The following XRN1 variants were observed in gnomAD, a reference collection of about 807,000 sequenced individuals.
XRN1 encodes 5'-3' exoribonuclease 1.
A neutral mutation model predicts 222.3 loss-of-function variants in XRN1; 67 were observed. That is an observed-to-expected ratio of 0.30 (90% CI 0.25 to 0.37). The LOEUF (loss-of-function observed/expected upper bound fraction) is 0.37, where lower values mean the gene tolerates loss of function less well. Ranked by LOEUF, XRN1 falls within the 10% of genes least tolerant of loss-of-function variation. The pLI is 1.00. For synonymous variants in XRN1, 643 were observed against 652.4 expected (o/e 0.99, Z 0.22); for missense variants, 1,707 against 2,000.2 (o/e 0.85, Z 2.80).
chr3:142,335,411 A>G (rs1435555810), intron 34 of XRN1, 37 bp downstream of exon 34: 3 of 1,593,964 alleles, frequency 1.9e-6, no homozygotes, highest in East Asian at 2.2e-5. Flanking sequence ...TGCATTAAAA[A>G]ATTGGTAACT....
chr3:142,428,114 C>T (rs965929067), intron 2 of XRN1, among the ~76,000 whole-genome samples: 2 of 152,080 alleles, frequency 1.3e-5, no homozygotes, highest in Non-Finnish European at 2.9e-5. Flanking sequence ...TATTCTTGGC[C>T]AGGTGCGGTG....
At chr3:142,387,899 C>T (rs2067568987) in intron 20 of XRN1, among the ~76,000 whole-genome samples, 3 of 152,094 alleles carry the variant, frequency 2.0e-5, no homozygotes, top group Middle Eastern at 3.2e-3. Context: ...TCTCTTGCTT[C>T]TTTTCTTGCC....
chr3:142,356,978 T>G lies in XRN1; in HGVS notation c.3606A>C (p.Ser1202=), dbSNP rs770085849. The change falls in exon 31 of 41, where the codon TCA becomes TCC. Residue 1202 remains serine (S), a synonymous_variant. Transcript: ENST00000392981. ...QPAVHQHSSS[S]SVSSGHLGAL... is the part of the protein sequence containing the mutation. ...CTCCCAAATGCCCAGAGGAAACTGA[T>G]GAACTTGAGCTATGTTGATGTACAG... 2 of 1,614,106 alleles carry G rather than the reference T, an allele frequency of 1.2e-6. No homozygotes were observed. The highest frequency in any genetic ancestry group is 1.7e-6 in the Non-Finnish European group (2 of 1,179,986).
At chr3:142,421,598 A>G in intron 8 of XRN1, 55 bp from the exon 9 acceptor site, 1 of 1,287,150 alleles carries the variant, frequency 7.8e-7, no homozygotes, top group African/African-American at 1.5e-5. Flanking sequence ...TTTCTAAACA[A>G]TTCTACAAAA....
chr3:142,384,304 G>A (rs1441530043), intron 21 of XRN1, among the ~76,000 whole-genome samples: 3 of 148,738 alleles, frequency 2.0e-5, no homozygotes, highest in South Asian at 2.1e-4. Flanking sequence ...AAAAGCATAC[G>A]AAAGCATAAA....
At chr3:142,418,253 AT>A (rs1157288358) in intron 12 of XRN1, 8 of 380,388 alleles carry the variant, frequency 2.1e-5, no homozygotes. Context: ...TTTTACTATT[AT>A]AAACAACTTT....
At position 142,371,292 on chromosome 3, in the gene XRN1, G is replaced by A; in HGVS notation, c.3015C>T (p.Ser1005=). The A allele has an allele frequency of 6.2e-6, 10 of 1,613,042 alleles. No homozygotes were observed. The highest frequency in any genetic ancestry group is 8.5e-6 in the Non-Finnish European group (10 of 1,179,840). ...PELFSYIAKN[S]QEDVFYEDDI... is the part of the protein sequence containing the mutation. ...CATCTTCATAGAACACATCCTCTTG[G>A]CTATTTTTGGCTATATAACTAAATA... The change falls in exon 26 of 41, where the codon AGC becomes AGT. Residue 1005 remains serine, a synonymous_variant. Coordinates refer to ENST00000392981, the MANE Select transcript of XRN1 (RefSeq NM_001282857.2).
chr3:142,408,768 C>T (rs1465964015), intron 15 of XRN1, among the ~76,000 whole-genome samples: 1 of 152,132 alleles, frequency 6.6e-6, no homozygotes, highest in Non-Finnish European at 1.5e-5. Flanking sequence ...TAAGAAACTG[C>T]CAGATAGATA....
chr3:142,420,981 T>C (rs750297625), intron 10 of XRN1, 35 bp downstream of exon 10: 6 of 1,611,646 alleles, frequency 3.7e-6, no homozygotes, highest in Non-Finnish European at 5.1e-6. Flanking sequence ...CCTTTACAGT[T>C]AAAACAATGA....
chr3:142,380,896 C>A (rs771084544), intron 22 of XRN1, among the ~76,000 whole-genome samples: 2 of 152,046 alleles, frequency 1.3e-5, no homozygotes, highest in Non-Finnish European at 2.9e-5. Flanking sequence ...AATTTCCCCA[C>A]GCCCGCCTTG....
chr3:142,350,241 T>C (rs749924165), intron 32 of XRN1, among the ~76,000 whole-genome samples: 23 of 152,138 alleles, frequency 1.5e-4, no homozygotes, highest in Non-Finnish European at 3.1e-4. Flanking sequence ...AGAGGTCATC[T>C]AAGTGAACTT....
At chr3:142,319,769 T>C (rs2065299814) in intron 37 of XRN1, among the ~76,000 whole-genome samples, 1 of 152,192 alleles carries the variant, frequency 6.6e-6, no homozygotes, top group African/African-American at 2.4e-5. Flanking sequence ...TATCTGACTT[T>C]CTGTTTCTGA....
At chr3:142,322,365 T>C (rs1421019160) in intron 37 of XRN1, among the ~76,000 whole-genome samples, 5 of 152,196 alleles carry the variant, frequency 3.3e-5, no homozygotes, top group Admixed American at 6.5e-5. Context: ...AGGTGGGTAC[T>C]ACCACGCTTA....
chr3:142,401,370 C>G (rs2068122070), intron 18 of XRN1, among the ~76,000 whole-genome samples: 1 of 152,144 alleles, frequency 6.6e-6, no homozygotes, highest in Admixed American at 6.5e-5. Flanking sequence ...CCATAAAATG[C>G]TCTACAAATA....
intron 1 of XRN1, among the ~76,000 whole-genome samples, chr3:142,438,022 T>C (rs1374357633): frequency 1.3e-5 from 2 of 152,120 alleles, no homozygotes; most frequent in South Asian, 4.2e-4. Flanking sequence ...TAAAATGGCC[T>C]TTATCCAAAA....
At chr3:142,413,299 A>G (rs552585203) in intron 14 of XRN1, among the ~76,000 whole-genome samples, 3 of 152,348 alleles carry the variant, frequency 2.0e-5, no homozygotes, top group South Asian at 2.1e-4. Flanking sequence ...GCACTGTACG[A>G]TAAAACAGAC....
intron 32 of XRN1, among the ~76,000 whole-genome samples, chr3:142,351,869 G>C (rs2066315340): frequency 6.7e-6 from 1 of 148,772 alleles, no homozygotes; most frequent in Non-Finnish European, 1.5e-5. Flanking sequence ...TCTTAGACAA[G>C]GCAGCATGAG....
intron 6 of XRN1, 58 bp from the exon 7 acceptor site, chr3:142,422,980 A>G (rs879372793): frequency 1.7e-5 from 23 of 1,325,438 alleles, no homozygotes; most frequent in Admixed American, 6.1e-5. Flanking sequence ...TCCCAGCTTA[A>G]AAATGTAACA....
In XRN1 at chr3:142,316,214, CTTTTTTT is replaced by C. The variant is rs377522108; in HGVS notation, c.4621+2371_4621+2377del. Among the ~76,000 whole-genome samples the C allele has an allele frequency of 2.3e-3, 258 of 111,830 alleles. 5 individuals carry two copies. Among genetic ancestry groups the C allele is most frequent in the African/African-American group, 8.2e-3 (242 of 29,398 alleles). 73.4% of individuals were successfully genotyped at this position (111,830 alleles called of 152,430 possible). A position where few individuals can be genotyped will look rare whatever the true frequency, so the allele number is the denominator to read the frequency against. ...TTTTACTTGAGTTAGTCATTATCTT[CTTTTTTT>C]TTTTTTTTTTTTTTGAGACAGGTCT... On this transcript the variant is annotated intron_variant, in intron 39 of 40. Transcript: ENST00000392981.
Sources: allele counts gnomAD v4.1 joint callset (sites outside exome capture counted in the v4.1 genomes callset), GRCh38; gene constraint gnomAD v4.1.1; transcripts MANE v1.5; gene names NCBI Gene and HGNC (gene_info 2026-07-23, HGNC 2026-07-21).